Variants in ALPK1 observed in about 807,000 individuals in gnomAD.
The protein encoded by ALPK1 is alpha kinase 1.
A neutral mutation model predicts 120.6 loss-of-function variants in ALPK1; 110 were observed. The observed-to-expected ratio is 0.91, with a 90% CI of 0.78 to 1.07. The LOEUF (loss-of-function observed/expected upper bound fraction) is 1.07. Among genes scored for constraint, ALPK1 ranks in the 50% least tolerant of loss-of-function variants. The probability of loss-of-function intolerance (pLI) is 0.00; values close to 1 mark genes in which losing one functional copy is unlikely to be tolerated. For missense variants in ALPK1, 1,498 were observed against 1,483.9 expected (o/e 1.01, Z -0.16); for synonymous variants, 582 against 560.3 (o/e 1.04, Z -0.55).
At chr4:112,310,991 G>C (rs1310727815) in intron 1 of ALPK1, among the ~76,000 whole-genome samples, 1 of 151,142 alleles carries the variant, frequency 6.6e-6, no homozygotes, top group Non-Finnish European at 1.5e-5. Flanking sequence ...TTAGAAAGGA[G>C]GAAACTGAGG....
intron 10 of ALPK1, among the ~76,000 whole-genome samples, chr4:112,429,855 G>GAGAAAAAAAAAAAAAAAAAA (rs1734453506): frequency 2.3e-5 from 1 of 42,862 alleles, no homozygotes; most frequent in Admixed American, 2.2e-4. Flanking sequence ...AAAAAAAAAA[G>GAGAAAAAAAAAAAAAAAAAA]AAAAGAAAAG....
intron 2 of ALPK1, among the ~76,000 whole-genome samples, chr4:112,351,453 T>TA (rs34711804): frequency 2.7e-4 from 40 of 149,692 alleles, no homozygotes; most frequent in African/African-American, 4.7e-4. Flanking sequence ...TACTTTGCTT[T>TA]AAAAAAAAAA....
At chr4:112,404,770 G>A (rs1460995348) in intron 4 of ALPK1, among the ~76,000 whole-genome samples, 2 of 152,132 alleles carry the variant, frequency 1.3e-5, no homozygotes, top group African/African-American at 2.4e-5. Flanking sequence ...ATTTTTGTGT[G>A]CCTATAAATA....
chr4:112,335,202 G>A (rs57049364), intron 2 of ALPK1, among the ~76,000 whole-genome samples: 29,035 of 150,754 alleles, frequency 0.19, 3,190 homozygotes, highest in Middle Eastern at 0.29. Flanking sequence ...GTTGCGGTGA[G>A]TCAAGATCGT....
intron 3 of ALPK1, 148 bp downstream of exon 3, chr4:112,378,046 G>T: frequency 1.1e-6 from 1 of 939,118 alleles, no homozygotes; most frequent in Non-Finnish European, 1.5e-6. Flanking sequence ...GGCATGAATG[G>T]GACATGGGCT....
chr4:112,439,106 G>A (rs1301889726), intron 13 of ALPK1, among the ~76,000 whole-genome samples: 2 of 152,058 alleles, frequency 1.3e-5, no homozygotes. Context: ...TTCCCATTGA[G>A]TTTTCTCTTC....
At chr4:112,359,184 C>T in intron 2 of ALPK1, 1 of 620,310 alleles carries the variant, frequency 1.6e-6, no homozygotes, top group Non-Finnish European at 3.0e-6. Context: ...GTCCCCCAGG[C>T]CACCCCCCAC....
chr4:112,440,814 T>TGTGC (rs1232528761), intron 14 of ALPK1, 103 bp from the exon 15 acceptor site: 39 of 1,005,380 alleles, frequency 3.9e-5, no homozygotes, highest in Middle Eastern at 3.9e-4. Context: ...TCTCTTTAAG[T>TGTGC]GTGTGTGTGT....
At chr4:112,414,955 T>C (rs965528985) in intron 5 of ALPK1, 3 of 152,224 alleles carry the variant, frequency 2.0e-5, no homozygotes, top group African/African-American at 4.8e-5. Flanking sequence ...CTTGTGCCCA[T>C]GTGAGAAGTA....
At chr4:112,365,063 A>G (rs977197512) in intron 2 of ALPK1, among the ~76,000 whole-genome samples, 4 of 152,232 alleles carry the variant, frequency 2.6e-5, no homozygotes, top group African/African-American at 9.6e-5. Flanking sequence ...ACCTTAAGGT[A>G]ATAAAAGCTG....
Position 112,435,268 on chromosome 4 carries a change from T to C in ALPK1, c.3155T>C (p.Val1052Ala). The part of the protein sequence containing the change: ...KKGRQRNAFW[V>A]HHLHQEEILG... ...GGCAGACAAAGAAATGCTTTTTGGG[T>C]TCATCATCTTCATCAAGAAGAAATT... Residue 1052 changes from valine to alanine, a missense_variant, in exon 12 of 16, where the codon GTT (valine) becomes GCT (alanine). By Grantham distance (64) the Val-to-Ala change is moderately conservative. Coordinates refer to ENST00000650871, the MANE Select transcript of ALPK1 (RefSeq NM_025144.4). The C allele has an allele frequency of 1.2e-6, 2 of 1,610,998 alleles. No individual in the cohort carries two copies. Among genetic ancestry groups the C allele is most frequent in the Admixed American group, 1.7e-5 (1 of 58,988 alleles).
At chr4:112,329,045 G>A (rs1015788285) in intron 2 of ALPK1, among the ~76,000 whole-genome samples, 1 of 152,190 alleles carries the variant, frequency 6.6e-6, no homozygotes, top group Non-Finnish European at 1.5e-5. Flanking sequence ...TGCTTCTAGA[G>A]TCCAGAAACT....
chr4:112,389,635 G>A (rs986144668), intron 4 of ALPK1, among the ~76,000 whole-genome samples: 12 of 152,330 alleles, frequency 7.9e-5, no homozygotes, highest in East Asian at 1.9e-4. Context: ...TGTGGTGACC[G>A]GTTGGACAGA....
At chr4:112,307,468 G>T (rs1239153622) in intron 1 of ALPK1, among the ~76,000 whole-genome samples, 2 of 152,024 alleles carry the variant, frequency 1.3e-5, no homozygotes, top group African/African-American at 2.4e-5. Context: ...AGGATAGTTA[G>T]CTCTTCTTGG....
At chr4:112,420,841 AAGAGAGAGAG>A (rs141678964) in intron 5 of ALPK1, among the ~76,000 whole-genome samples, 5 of 149,510 alleles carry the variant, frequency 3.3e-5, no homozygotes, top group African/African-American at 7.4e-5. Context: ...CATAGAGAGA[AAGAGAGAGAG>A]AGAGAGAGAG....
intron 3 of ALPK1, among the ~76,000 whole-genome samples, chr4:112,379,436 C>T (rs1313937004): frequency 2.6e-5 from 4 of 152,258 alleles, no homozygotes; most frequent in Non-Finnish European, 4.4e-5. Context: ...GGGAAGGACG[C>T]CTCCTAAGCG....
chr4:112,339,094 C>A (rs1729749478), intron 2 of ALPK1, among the ~76,000 whole-genome samples: 1 of 152,200 alleles, frequency 6.6e-6, no homozygotes, highest in Non-Finnish European at 1.5e-5. Flanking sequence ...ATGAGAGACA[C>A]AGGTGTGTCC....
intron 2 of ALPK1, among the ~76,000 whole-genome samples, chr4:112,339,428 A>G (rs1332695763): frequency 6.6e-6 from 1 of 152,224 alleles, no homozygotes; most frequent in African/African-American, 2.4e-5. Context: ...TTTACACAAT[A>G]ATTATTTTCA....
intron 4 of ALPK1, among the ~76,000 whole-genome samples, chr4:112,398,254 T>G (rs151064937): frequency 8.8e-4 from 134 of 152,288 alleles, no homozygotes; most frequent in Non-Finnish European, 1.8e-3. Context: ...GGCAATATCA[T>G]ATAGGATTTT....
Sources: allele counts gnomAD v4.1 joint callset (sites outside exome capture counted in the v4.1 genomes callset), GRCh38; gene constraint gnomAD v4.1.1; transcripts MANE v1.5; gene names NCBI Gene and HGNC (gene_info 2026-07-23, HGNC 2026-07-21).